Variants in PLXNA4 observed in about 807,000 individuals in gnomAD.
PLXNA4 encodes plexin-A4.
PLXNA4 carries 44 observed loss-of-function variants against 191.8 expected under a neutral mutation model. The ratio of observed to expected loss-of-function variants is 0.23; its 90% CI spans 0.18 to 0.29. The LOEUF (loss-of-function observed/expected upper bound fraction) is 0.29, where lower values mean the gene tolerates loss of function less well. PLXNA4 is among the 10% of genes least tolerant of loss of function. PLXNA4 has a pLI of 1.00. For missense variants in PLXNA4, 1,800 were observed against 2,488.8 expected, an observed-to-expected ratio of 0.72 and a Z score of 5.89; for synonymous variants, 1,082 against 1,009.5, an observed-to-expected ratio of 1.07 and a Z score of -1.36.
chr7:132,383,522 TA>T, intron 3 of PLXNA4: 1 of 959,968 alleles, frequency 1.0e-6, no homozygotes, highest in Non-Finnish European at 1.2e-6. Flanking sequence ...GTTTTTATTT[TA>T]TTCATTGTAT....
At chr7:132,188,099 G>C (rs931246704) in intron 14 of PLXNA4, among the ~76,000 whole-genome samples, 1 of 152,042 alleles carries the variant, frequency 6.6e-6, no homozygotes, top group Non-Finnish European at 1.5e-5. Context: ...TTCTTGGGTG[G>C]TAAACTGTCT....
intron 3 of PLXNA4, among the ~76,000 whole-genome samples, chr7:132,409,841 G>T (rs1290106892): frequency 6.6e-6 from 1 of 152,194 alleles, no homozygotes; most frequent in Non-Finnish European, 1.5e-5. Flanking sequence ...CCAACAGGCT[G>T]GCTCGTCCTC....
chr7:132,262,658 A>C (rs561142765), intron 4 of PLXNA4, among the ~76,000 whole-genome samples: 1 of 152,200 alleles, frequency 6.6e-6, no homozygotes, highest in South Asian at 2.1e-4. Context: ...TTAACTGATC[A>C]ATTAATATTG....
Position 132,188,998 on chromosome 7 carries a change from G to GGAGAGGAGAGGAGAGGAAAGGAAA in PLXNA4, c.2857-1392_2857-1391insTTTCCTTTCCTCTCCTCTCCTCTC, listed in dbSNP as rs1562908835. Among the ~76,000 whole-genome samples the GGAGAGGAGAGGAGAGGAAAGGAAA allele has an allele frequency of 1.2e-4, 6 of 50,996 alleles. No individual in the cohort carries two copies. The South Asian group carries it at 4.5e-3, about 39-fold the overall frequency. The allele number at this position is 50,996 out of a possible 152,430, so 33.5% of individuals were successfully genotyped here. On this transcript the variant is annotated intron_variant, in intron 14 of 31. Transcript: ENST00000321063. ...GGAAAGGAAAGGAAAGGAAAGGAGA[G>GGAGAGGAGAGGAGAGGAAAGGAAA]AGAGAGAGAGAGAGAGAGAGAGAGA... is the stretch of plus-strand genomic sequence containing the variant.
At chr7:132,372,537 G>A (rs773087059) in intron 3 of PLXNA4, among the ~76,000 whole-genome samples, 2 of 152,138 alleles carry the variant, frequency 1.3e-5, no homozygotes, top group African/African-American at 2.4e-5. Context: ...ACAGCCTTCA[G>A]GCAGGAGTGG....
intron 4 of PLXNA4, among the ~76,000 whole-genome samples, chr7:132,244,799 G>T (rs1434837168): frequency 6.6e-6 from 1 of 152,218 alleles, no homozygotes; most frequent in Non-Finnish European, 1.5e-5. Flanking sequence ...CAAAGCATCA[G>T]AAGTTTTTCT....
chr7:132,449,155 G>A (rs958181732), intron 3 of PLXNA4, among the ~76,000 whole-genome samples: 3 of 152,130 alleles, frequency 2.0e-5, no homozygotes, highest in African/African-American at 7.2e-5. Flanking sequence ...GCATACACAT[G>A]ACCTTATAAG....
At chr7:132,602,459 T>A (rs975022378) in intron 2 of PLXNA4, among the ~76,000 whole-genome samples, 2 of 152,190 alleles carry the variant, frequency 1.3e-5, no homozygotes, top group Non-Finnish European at 2.9e-5. Flanking sequence ...GTCTCCTTGT[T>A]GTTATGGGGA....
chr7:132,632,573 C>T (rs1329016445), intron 2 of PLXNA4, among the ~76,000 whole-genome samples: 1 of 152,166 alleles, frequency 6.6e-6, no homozygotes, highest in East Asian at 1.9e-4. Flanking sequence ...TCCATCTCTA[C>T]AGCTCCCAGG....
chr7:132,369,140 G>A lies in PLXNA4; in HGVS notation c.1372-70918C>T, dbSNP rs184620424. On this transcript the variant is annotated intron_variant, in intron 3 of 31. Coordinates refer to ENST00000321063, the MANE Select transcript of PLXNA4 (RefSeq NM_020911.2). The stretch of plus-strand genomic sequence containing the variant: ...CACAGAAGATGAGAGAATCCCTAAC[G>A]CCTCTGCCATTTGACCAAGACAGCT... Among the ~76,000 whole-genome samples the A allele has an allele frequency of 4.1e-4, 63 of 152,156 alleles. 1 individual carries two copies. The highest frequency in any genetic ancestry group is 6.8e-3 in the Middle Eastern group (2 of 294).
chr7:132,436,739 T>A (rs1795485234), intron 3 of PLXNA4, among the ~76,000 whole-genome samples: 1 of 151,984 alleles, frequency 6.6e-6, no homozygotes, highest in Admixed American at 6.6e-5. Flanking sequence ...AGTGAAAAGG[T>A]CAGTGAGCGA....
chr7:132,439,712 G>A (rs559523995), intron 3 of PLXNA4, among the ~76,000 whole-genome samples: 1 of 152,136 alleles, frequency 6.6e-6, no homozygotes, highest in African/African-American at 2.4e-5. Context: ...TCAGAGGTTC[G>A]CACAACAGGT....
chr7:132,456,289 T>A (rs1796314340), intron 3 of PLXNA4, among the ~76,000 whole-genome samples: 1 of 152,022 alleles, frequency 6.6e-6, no homozygotes, highest in South Asian at 2.1e-4. Context: ...TTTTTTATAT[T>A]TTAGTAGAGA....
At chr7:132,550,326 T>C (rs1800504350) in intron 1 of PLXNA4, among the ~76,000 whole-genome samples, 1 of 152,202 alleles carries the variant, frequency 6.6e-6, no homozygotes, top group Non-Finnish European at 1.5e-5. Flanking sequence ...AGTGGCTACC[T>C]TTTGAAGAAG....
At chr7:132,401,316 CAAAGTTA>C (rs1050370615) in intron 3 of PLXNA4, among the ~76,000 whole-genome samples, 27 of 152,044 alleles carry the variant, frequency 1.8e-4, no homozygotes, top group Non-Finnish European at 2.9e-4. Flanking sequence ...TCTCAAAAGG[CAAAGTTA>C]AAAAAATGCG....
At chr7:132,210,538 G>C (rs1383399849) in intron 10 of PLXNA4, among the ~76,000 whole-genome samples, 1 of 152,220 alleles carries the variant, frequency 6.6e-6, no homozygotes, top group Non-Finnish European at 1.5e-5. Context: ...AAGGTGGTGG[G>C]ATGTCTTTGG....
chr7:132,504,820 C>T (rs1271140440), intron 2 of PLXNA4, among the ~76,000 whole-genome samples: 2 of 152,180 alleles, frequency 1.3e-5, no homozygotes, highest in Non-Finnish European at 2.9e-5. Context: ...AGGAAGGGAA[C>T]AAGAAAACCA....
chr7:132,374,690 T>C (rs944320701), intron 3 of PLXNA4, among the ~76,000 whole-genome samples: 5 of 152,186 alleles, frequency 3.3e-5, no homozygotes, highest in African/African-American at 1.2e-4. Context: ...TCTACCAAAC[T>C]CCTGTTTTGC....
At chr7:132,540,731 G>A (rs1800041764) in intron 1 of PLXNA4, among the ~76,000 whole-genome samples, 1 of 151,116 alleles carries the variant, frequency 6.6e-6, no homozygotes, top group Admixed American at 6.6e-5. Context: ...GGGACTACAG[G>A]CGCCCGCCAC....
Sources: gnomAD v4.1 joint callset for allele counts (sites outside exome capture counted in the v4.1 genomes callset) on GRCh38, gnomAD v4.1.1 for gene constraint, MANE v1.5 for transcripts, NCBI Gene and HGNC (gene_info 2026-07-23, HGNC 2026-07-21) for gene names.